The following SLC41A3 variants were observed in gnomAD, a reference collection of about 807,000 sequenced individuals.
SLC41A3 encodes the protein solute carrier family 41 member 3, also known as SLC41A1-like 2.
SLC41A3 carries 44 observed loss-of-function variants against 45.4 expected under a neutral mutation model. The ratio of observed to expected loss-of-function variants is 0.97; its 90% CI spans 0.76 to 1.25. The LOEUF is 1.25. Ranked by LOEUF, SLC41A3 falls within the 50% of genes most tolerant of loss-of-function variation. The pLI, the probability that SLC41A3 is intolerant of heterozygous loss-of-function variation, is 0.00. For missense variants in SLC41A3, 550 were observed against 600.6 expected (o/e 0.92, Z 0.88); for synonymous variants, 256 against 252.4 (o/e 1.01, Z -0.13).
At chr3:126,062,722 T>C (rs1944135453) in intron 2 of SLC41A3, among the ~76,000 whole-genome samples, 1 of 152,214 alleles carries the variant, frequency 6.6e-6, no homozygotes, top group Non-Finnish European at 1.5e-5. Flanking sequence ...TCCACAACAT[T>C]AATACAAGTC....
In SLC41A3 at chr3:126,006,564, C is replaced by G; in HGVS notation, c.*452G>C. The G allele has an allele frequency of 6.3e-7, 1 of 1,597,436 alleles. No individual in the cohort carries two copies. Reference sequence around the variant, plus strand: ...AGCAGTGTGGCCCACGGAGCTTGAACCTGGTGAAGACAGCAAGTAAGCCAC... The same window carrying G: ...AGCAGTGTGGCCCACGGAGCTTGAAGCTGGTGAAGACAGCAAGTAAGCCAC... On this transcript the variant is annotated 3_prime_UTR_variant, in exon 11 of 11. Transcript: ENST00000360370.
intron 2 of SLC41A3, among the ~76,000 whole-genome samples, chr3:126,054,620 T>C (rs566731633): frequency 1.3e-5 from 2 of 151,362 alleles, no homozygotes; most frequent in East Asian, 4.0e-4. Context: ...CTGCTTGGAA[T>C]GTTCACGTCT....
At chr3:126,071,649 A>T (rs1426825041) in intron 1 of SLC41A3, among the ~76,000 whole-genome samples, 2 of 152,232 alleles carry the variant, frequency 1.3e-5, no homozygotes, top group African/African-American at 4.8e-5. Context: ...CTTAGGAAAA[A>T]TAACTTCAAT....
In SLC41A3 at chr3:126,016,755, A is replaced by C. The variant is rs556403431; in HGVS notation, c.866T>G (p.Ile289Ser). ...VKILKFGWFP[I>S]ILAMVISSFG... ...CCTGCTGATGACCATGGCCAGGATG[A>C]TTGGGAACCAGCCAAACTTCAGGAT... is the stretch of plus-strand genomic sequence containing the variant. Residue 289 changes from isoleucine to serine, a missense_variant, in exon 7 of 11, where the codon ATC (isoleucine) becomes AGC (serine). Physicochemically the swap from Ile to Ser is moderately radical, Grantham distance 142. Transcript: ENST00000360370. 5.0e-6 allele frequency: 8 copies of C among 1,611,832 alleles called. No individual in the cohort carries two copies. Among genetic ancestry groups the C allele is most frequent in the Non-Finnish European group, 6.8e-6 (8 of 1,179,274 alleles).
chr3:126,016,644 C>T, intron 7 of SLC41A3, 87 bp downstream of exon 7: 2 of 1,488,500 alleles, frequency 1.3e-6, no homozygotes, highest in Admixed American at 4.7e-5. Flanking sequence ...CCATTCCTGT[C>T]CCCCAAGGCA....
intron 3 of SLC41A3, among the ~76,000 whole-genome samples, chr3:126,036,788 C>T (rs887368472): frequency 6.6e-6 from 1 of 152,206 alleles, no homozygotes; most frequent in Non-Finnish European, 1.5e-5. Flanking sequence ...TAACAAAATA[C>T]ACTTACTGGA....
At chr3:126,007,294 G>A in intron 10 of SLC41A3, 69 bp from the exon 11 acceptor site, 5 of 1,527,888 alleles carry the variant, frequency 3.3e-6, no homozygotes, top group Non-Finnish European at 4.5e-6. Flanking sequence ...GGAAGCACTA[G>A]CTGAGGCTCA....
intron 1 of SLC41A3, among the ~76,000 whole-genome samples, chr3:126,089,413 GT>G (rs1945449621): frequency 6.6e-6 from 1 of 152,210 alleles, no homozygotes; most frequent in Non-Finnish European, 1.5e-5. Context: ...ATGTAAGGTA[GT>G]TGTAACACCT....
intron 9 of SLC41A3, among the ~76,000 whole-genome samples, chr3:126,009,649 A>G (rs912584012): frequency 2.0e-5 from 3 of 152,240 alleles, no homozygotes; most frequent in African/African-American, 7.2e-5. Flanking sequence ...AAAAGGAGAA[A>G]AAAGGTCACA....
chr3:126,066,662 T>C (rs1944361190), intron 2 of SLC41A3, among the ~76,000 whole-genome samples: 1 of 152,272 alleles, frequency 6.6e-6, no homozygotes, highest in East Asian at 1.9e-4. Flanking sequence ...ATTATAAAGA[T>C]AGTTATAGGA....
At chr3:126,060,437 G>GACACACACACACACACACACAC (rs1553741169) in intron 2 of SLC41A3, among the ~76,000 whole-genome samples, 1 of 29,044 alleles carries the variant, frequency 3.4e-5, no homozygotes, top group Non-Finnish European at 8.7e-5. Flanking sequence ...AAGTGAGAAG[G>GACACACACACACACACACACAC]ATACACACAC....
intron 3 of SLC41A3, among the ~76,000 whole-genome samples, chr3:126,040,685 C>T (rs1942531078): frequency 6.6e-6 from 1 of 152,130 alleles, no homozygotes; most frequent in African/African-American, 2.4e-5. Flanking sequence ...GTGACCATGA[C>T]AAGAGGGACA....
At chr3:126,066,220 G>A (rs1397552880) in intron 2 of SLC41A3, among the ~76,000 whole-genome samples, 1 of 152,230 alleles carries the variant, frequency 6.6e-6, no homozygotes, top group Non-Finnish European at 1.5e-5. Context: ...ACCTGAGGGG[G>A]CCTCTGGGCA....
intron 1 of SLC41A3, chr3:126,092,813 T>C (rs1455144514): frequency 1.3e-5 from 2 of 152,182 alleles, no homozygotes; most frequent in African/African-American, 4.8e-5. Flanking sequence ...TTCACACTGA[T>C]GATGAGGAAG....
chr3:126,088,245 C>T (rs1290851819), upstream of SLC41A3, among the ~76,000 whole-genome samples: 1 of 152,034 alleles, frequency 6.6e-6, no homozygotes, highest in African/African-American at 2.4e-5. Flanking sequence ...TATTTCACTA[C>T]CAAACTACAT....
intron 6 of SLC41A3, among the ~76,000 whole-genome samples, chr3:126,017,746 C>T (rs1480070348): frequency 1.3e-5 from 2 of 152,206 alleles, no homozygotes; most frequent in African/African-American, 4.8e-5. Context: ...CCATGTACTC[C>T]CTCTCTGGGG....
chr3:126,056,823 G>GCT, intron 2 of SLC41A3: 2 of 1,282,186 alleles, frequency 1.6e-6, no homozygotes, highest in Non-Finnish European at 2.0e-6. Flanking sequence ...TGAAGGTCAG[G>GCT]CTCTCCTCAG....
chr3:126,077,233 A>G (rs1944921542), intron 1 of SLC41A3, among the ~76,000 whole-genome samples: 1 of 152,066 alleles, frequency 6.6e-6, no homozygotes, highest in Non-Finnish European at 1.5e-5. Context: ...ACAAAAAATT[A>G]GCCAGGTGTG....
chr3:126,078,075 A>G (rs937295428), intron 1 of SLC41A3, among the ~76,000 whole-genome samples: 2 of 152,106 alleles, frequency 1.3e-5, no homozygotes, highest in African/African-American at 4.8e-5. Context: ...GCAGGGGCCC[A>G]ATGCCAGGGG....
Sources: allele counts gnomAD v4.1 joint callset (sites outside exome capture counted in the v4.1 genomes callset), GRCh38; gene constraint gnomAD v4.1.1; transcripts MANE v1.5; gene names NCBI Gene and HGNC (gene_info 2026-07-23, HGNC 2026-07-21).